The following SLC11A2 variants were observed in gnomAD, a reference collection of about 807,000 sequenced individuals.
SLC11A2 encodes the protein natural resistance-associated macrophage protein 2.
Under a neutral mutation model 68.0 loss-of-function variants are expected in SLC11A2, and 38 were observed. The ratio of observed to expected loss-of-function variants is 0.56; its 90% CI spans 0.43 to 0.73. The LOEUF (loss-of-function observed/expected upper bound fraction) is 0.73. Ranked by LOEUF, SLC11A2 falls within the 30% of genes least tolerant of loss-of-function variation. The pLI is 0.00. For missense variants in SLC11A2, 517 were observed against 690.5 expected (o/e 0.75, Z 2.82); for synonymous variants, 242 against 250.6 (o/e 0.97, Z 0.32).
rs1285467209 is a variant in SLC11A2, at chr12:50,995,629, C to T, written c.990G>A (p.Val330=). Residue 330 remains valine (V), a splice_region_variant and synonymous_variant, in exon 10 of 16, where the codon GTG becomes GTA. Coordinates refer to ENST00000262052, the MANE Select transcript of SLC11A2 (RefSeq NM_000617.3). ...EAFFGKTNEQ[V]VEVCTNTSSP... ...CCACCCATAACCCTGGCTTACTCAC[C>T]ACCTGCTCGTTGGTTTTCCCAAAAA... is the stretch of plus-strand genomic sequence containing the variant. 6.2e-7 allele frequency: 1 copy of T among 1,614,022 alleles called. No individual in the cohort carries two copies. The highest frequency in any genetic ancestry group is 1.3e-5 in the African/African-American group (1 of 74,930).
chr12:51,016,280 C>G (rs1387515354), intron 1 of SLC11A2, among the ~76,000 whole-genome samples: 4 of 152,102 alleles, frequency 2.6e-5, no homozygotes, highest in Non-Finnish European at 5.9e-5. Flanking sequence ...GACACGGTGG[C>G]TCACACCTGT....
the SLC11A2 span, among the ~76,000 whole-genome samples, chr12:50,955,062 C>G: frequency 3.3e-5 from 5 of 152,146 alleles, no homozygotes; most frequent in African/African-American, 1.2e-4. Context: ...GAGGCCGAGG[C>G]AGGTGGATCA....
chr12:51,025,694 A>C, intron 1 of SLC11A2: 1 of 933,036 alleles, frequency 1.1e-6, no homozygotes, highest in African/African-American at 1.8e-5. Flanking sequence ...ATCCCCCTGT[A>C]GAAAAACCCT....
At chr12:51,004,614 A>C (rs1942560119) in intron 5 of SLC11A2, among the ~76,000 whole-genome samples, 174 bp downstream of exon 5, 1 of 152,158 alleles carries the variant, frequency 6.6e-6, no homozygotes. Context: ...GAGGGGGAAA[A>C]CATGGCCTGG....
the SLC11A2 span, among the ~76,000 whole-genome samples, chr12:50,964,451 G>T: frequency 6.6e-6 from 1 of 152,286 alleles, no homozygotes; most frequent in Middle Eastern, 3.4e-3. Context: ...GGAGTACCAA[G>T]AAGTGCCCTA....
At chr12:50,996,788 G>A (rs763603967) in intron 9 of SLC11A2, 29 bp downstream of exon 9, 3 of 1,610,244 alleles carry the variant, frequency 1.9e-6, no homozygotes, top group Non-Finnish European at 2.5e-6. Flanking sequence ...AACTGTCTAG[G>A]AGGTGAAGGA....
chr12:51,024,644 T>G (rs1317194879), intron 1 of SLC11A2: 1 of 152,256 alleles, frequency 6.6e-6, no homozygotes, highest in Admixed American at 6.5e-5. Flanking sequence ...AGAGCGAAAC[T>G]CCGTATCAAA....
At position 51,004,020 on chromosome 12, in the gene SLC11A2, T is replaced by G. The variant is rs1942503538; in HGVS notation, c.429+768A>C. On this transcript the variant is annotated intron_variant, in intron 5 of 15. Transcript: ENST00000262052. ...TTTTGTTTGTTTTTTAAAAATTTTA[T>G]GGGTACATAGTAGGTGTATATATTA... Among the ~76,000 whole-genome samples, 3 of 152,222 alleles carry G rather than the reference T, an allele frequency of 2.0e-5. No individual in the cohort carries two copies. The South Asian group carries it at 6.2e-4, about 31-fold the overall frequency.
At chr12:50,975,392 T>G (rs1939835316), downstream of SLC11A2, among the ~76,000 whole-genome samples, 1 of 152,184 alleles carries the variant, frequency 6.6e-6, no homozygotes, top group African/African-American at 2.4e-5. Context: ...GAATGACTAC[T>G]GGGTACATAA....
intron 5 of SLC11A2, chr12:51,000,780 C>T (rs529119951): frequency 1.1e-4 from 61 of 571,680 alleles, no homozygotes; most frequent in African/African-American, 9.9e-4. Context: ...GATGCTAATA[C>T]GGTCCAAATA....
At chr12:50,996,604 T>C (rs552244041) in intron 9 of SLC11A2, among the ~76,000 whole-genome samples, 19 of 151,944 alleles carry the variant, frequency 1.3e-4, no homozygotes, top group South Asian at 8.3e-4. Context: ...AAAAGAACTT[T>C]AGCCCCACCT....
chr12:51,003,081 C>T (rs1473673901), intron 5 of SLC11A2, among the ~76,000 whole-genome samples: 3 of 151,650 alleles, frequency 2.0e-5, no homozygotes, highest in Admixed American at 2.0e-4. Flanking sequence ...ACTAAAAATA[C>T]AAAAATTAGC....
In SLC11A2 at chr12:50,987,534, C is replaced by T. The variant is rs564071030; in HGVS notation, c.*791G>A. On this transcript the variant is annotated 3_prime_UTR_variant, in exon 16 of 16. Transcript: ENST00000262052. ...AGAAAGAAAGTTAAGGTTTTACAAC[C>T]ACATGTGCTCAAGAGTAAATATCAT... is the stretch of plus-strand genomic sequence containing the variant. 9.6e-5 allele frequency: 124 copies of T among 1,287,174 alleles called. 1 individual carries two copies. The Middle Eastern group carries it at 9.8e-4, about 10-fold the overall frequency. 79.7% of individuals were successfully genotyped at this position (1,287,174 alleles called of 1,614,324 possible).
In SLC11A2 at chr12:51,004,805, G is replaced by A. The variant is rs763309615; in HGVS notation, c.412C>T (p.His138Tyr). ...VTGLHLAEVC[H>Y]RQYPKVPRVI... The stretch of plus-strand genomic sequence containing the variant: ...TTGCTCACCTTGGGATACTGACGGT[G>A]ACATACTTCAGCAAGATGCAGCCCA... Residue 138 changes from histidine (H) to tyrosine (Y), a missense_variant, in exon 5 of 16, where the codon CAC (histidine) becomes TAC (tyrosine). By Grantham distance (83) the His-to-Tyr change is moderately conservative (BLOSUM62 2). Transcript: ENST00000262052. 6 of 1,613,842 alleles carry A rather than the reference G, an allele frequency of 3.7e-6. No homozygotes were observed. The African/African-American group carries it at 6.7e-5, about 18-fold the overall frequency.
intron 5 of SLC11A2, among the ~76,000 whole-genome samples, chr12:51,000,835 T>A (rs951971762): frequency 3.0e-4 from 45 of 152,104 alleles, no homozygotes; most frequent in African/African-American, 8.7e-4. Flanking sequence ...AACATATCTA[T>A]CCTGACCATA....
chr12:51,020,375 G>GA (rs928567991), intron 1 of SLC11A2, among the ~76,000 whole-genome samples: 1 of 150,668 alleles, frequency 6.6e-6, no homozygotes, highest in African/African-American at 2.4e-5. Flanking sequence ...ATGATACACA[G>GA]AAAAAAAAAG....
rs1183159905 is a variant in SLC11A2, at chr12:50,992,864, A to G, written c.1143T>C (p.Ala381=). The G allele has an allele frequency of 1.2e-6, 2 of 1,614,126 alleles. No individual in the cohort carries two copies. The highest frequency in any genetic ancestry group is 2.2e-5 in the East Asian group (1 of 44,884). ...CTGTCATGGTGGAGCTCTGTCCTGC[A>G]GCCAGGATCCCCACTGCCCAAATGT... ...ALYIWAVGIL[A]AGQSSTMTGT... is the part of the protein sequence containing the mutation. The change falls in exon 12 of 16, where the codon GCT becomes GCC. Residue 381 remains alanine, a synonymous_variant. Coordinates refer to ENST00000262052, the MANE Select transcript of SLC11A2 (RefSeq NM_000617.3).
chr12:50,989,277 G>A (rs1212571749), intron 15 of SLC11A2, among the ~76,000 whole-genome samples: 1 of 152,136 alleles, frequency 6.6e-6, no homozygotes, highest in African/African-American at 2.4e-5. Flanking sequence ...ATCACCTGAG[G>A]TCAAGAGTTT....
chr12:51,026,791 G>A (rs138016321), upstream of SLC11A2, among the ~76,000 whole-genome samples: 243 of 152,198 alleles, frequency 1.6e-3, no homozygotes, highest in African/African-American at 5.4e-3. Flanking sequence ...AGCACTTTGG[G>A]AGACCGAGGC....
Sources: gnomAD v4.1 joint callset for allele counts (sites outside exome capture counted in the v4.1 genomes callset) on GRCh38, gnomAD v4.1.1 for gene constraint, MANE v1.5 for transcripts, NCBI Gene and HGNC (gene_info 2026-07-23, HGNC 2026-07-21) for gene names.